The following SAMMSON variants were observed in gnomAD, a reference collection of about 807,000 sequenced individuals.
The protein encoded by SAMMSON is survival associated mitochondrial melanoma specific oncogenic non-coding RNA, also known as long intergenic non-protein coding RNA 1212.
chr3:70,159,379 G>A (rs1440114366), intron 4 of SAMMSON, among the ~76,000 whole-genome samples: 1 of 151,338 alleles, frequency 6.6e-6, no homozygotes, highest in Non-Finnish European at 1.5e-5. Flanking sequence ...CCTGTGTGTG[G>A]ACACCTGTTT....
rs376568944 is a variant in SAMMSON at position 70,015,487 on chromosome 3, A to G, written n.417+1815A>G. On this transcript the variant is annotated intron_variant and non_coding_transcript_variant, in intron 3 of 9. Coordinates refer to ENST00000642114, the Ensembl canonical transcript of SAMMSON. ...ATACATCTTGTCTTTGGTAATTGAGACATTACTTAGTATCTGCAATGTTTA... is the reference window on the plus strand; with the variant it reads ...ATACATCTTGTCTTTGGTAATTGAGGCATTACTTAGTATCTGCAATGTTTA... 3.6e-4 allele frequency among the ~76,000 whole-genome samples: 55 copies of G among 152,050 alleles called. 1 individual carries two copies. The highest frequency in any genetic ancestry group is 1.2e-3 in the African/African-American group (51 of 41,464).
chr3:70,256,942 C>A (rs1701822249), intron 6 of SAMMSON, among the ~76,000 whole-genome samples: 1 of 152,082 alleles, frequency 6.6e-6, no homozygotes, highest in South Asian at 2.1e-4. Flanking sequence ...TATAATTGGT[C>A]CACCCTGTGA....
intron 6 of SAMMSON, chr3:70,283,589 G>C (rs1312553731): frequency 6.6e-6 from 1 of 152,040 alleles, no homozygotes; most frequent in Non-Finnish European, 1.5e-5. Context: ...CAATGAGCTT[G>C]GTTGTGTCCA....
intron 4 of SAMMSON, among the ~76,000 whole-genome samples, chr3:70,111,325 G>A (rs1316127189): frequency 6.6e-6 from 1 of 152,124 alleles, no homozygotes; most frequent in African/African-American, 2.4e-5. Context: ...AAATACTCAA[G>A]TGATTTATAA....
At chr3:70,351,584 T>C (rs1188289792) in intron 7 of SAMMSON, among the ~76,000 whole-genome samples, 1 of 151,670 alleles carries the variant, frequency 6.6e-6, no homozygotes, top group Non-Finnish European at 1.5e-5. Flanking sequence ...ATTATGGGAG[T>C]TGAGAAACAA....
chr3:70,181,866 T>G (rs1701055564), intron 4 of SAMMSON, among the ~76,000 whole-genome samples: 1 of 152,224 alleles, frequency 6.6e-6, no homozygotes, highest in Admixed American at 6.5e-5. Context: ...TGTGTCAACG[T>G]GCAAATTATT....
At chr3:70,281,938 A>G (rs1702088553) in intron 6 of SAMMSON, among the ~76,000 whole-genome samples, 1 of 152,210 alleles carries the variant, frequency 6.6e-6, no homozygotes, top group Admixed American at 6.5e-5. Context: ...TTGATTGTAC[A>G]GTAACACCCT....
At chr3:70,369,078 A>T (rs1429892574) in intron 9 of SAMMSON, among the ~76,000 whole-genome samples, 1 of 151,502 alleles carries the variant, frequency 6.6e-6, no homozygotes, top group Non-Finnish European at 1.5e-5. Flanking sequence ...TTAGATTTAT[A>T]CCTCAGTATT....
rs7641240 is a variant in SAMMSON at position 70,142,704 on chromosome 3, A to G, written n.507+71139A>G. 6.1e-3 allele frequency among the ~76,000 whole-genome samples: 929 copies of G among 152,268 alleles called. 5 individuals carry two copies. Among genetic ancestry groups the G allele is most frequent in the African/African-American group, 0.02 (812 of 41,552 alleles). Reference sequence around the variant, plus strand: ...CCTATGGAAAAAAATCTGACAAAAAATAAAAAATAAAATTTATTAATTTTG... The same window carrying G: ...CCTATGGAAAAAAATCTGACAAAAAGTAAAAAATAAAATTTATTAATTTTG... On this transcript the variant is annotated intron_variant and non_coding_transcript_variant, in intron 4 of 9. Coordinates refer to ENST00000642114, the Ensembl canonical transcript of SAMMSON.
intron 3 of SAMMSON, among the ~76,000 whole-genome samples, chr3:70,034,214 T>G (rs2067076984): frequency 6.6e-6 from 1 of 152,174 alleles, no homozygotes; most frequent in South Asian, 2.1e-4. Flanking sequence ...CAAAATAAAA[T>G]AATCACCTAT....
intron 4 of SAMMSON, among the ~76,000 whole-genome samples, chr3:70,207,569 T>C (rs1170225130): frequency 6.6e-6 from 1 of 152,046 alleles, no homozygotes; most frequent in East Asian, 1.9e-4. Context: ...CCTCCGTATC[T>C]GTGGGTTTCA....
chr3:70,341,543 C>T (rs1702710382), intron 7 of SAMMSON, among the ~76,000 whole-genome samples: 1 of 152,114 alleles, frequency 6.6e-6, no homozygotes, highest in Non-Finnish European at 1.5e-5. Context: ...GGGCAAGTGA[C>T]AATGTTCTGG....
intron 4 of SAMMSON, among the ~76,000 whole-genome samples, chr3:70,100,911 CAT>C (rs2067342967): frequency 6.6e-6 from 1 of 152,154 alleles, no homozygotes; most frequent in Admixed American, 6.5e-5. Flanking sequence ...CCTCAGGGTA[CAT>C]ATTGTTCATA....
chr3:70,152,620 C>A (rs1289047419), intron 4 of SAMMSON, among the ~76,000 whole-genome samples: 1 of 151,974 alleles, frequency 6.6e-6, no homozygotes, highest in Non-Finnish European at 1.5e-5. Flanking sequence ...GACTATTTTC[C>A]CCTTGAGATA....
At chr3:69,999,598 C>G (rs904855722), upstream of SAMMSON, 3 of 152,198 alleles carry the variant, frequency 2.0e-5, no homozygotes, top group African/African-American at 7.2e-5. Flanking sequence ...GTCCCTGGCT[C>G]GGCTCTACCC....
intron 3 of SAMMSON, among the ~76,000 whole-genome samples, chr3:70,059,919 G>C (rs1224635691): frequency 6.6e-6 from 1 of 152,108 alleles, no homozygotes; most frequent in East Asian, 1.9e-4. Context: ...AGTTGAAGAA[G>C]ACAGACTGTC....
intron 7 of SAMMSON, among the ~76,000 whole-genome samples, chr3:70,294,374 T>C (rs1215467440): frequency 1.3e-5 from 2 of 152,148 alleles, no homozygotes; most frequent in Non-Finnish European, 2.9e-5. Context: ...ATTTAACACA[T>C]ATTTATAAGC....
rs79390130 is a variant in SAMMSON at position 70,247,283 on chromosome 3, T to C, written n.508-1824T>C. ...AGATGCAAGGTGAAATTTGACACCT[T>C]CCTATCAGTAAGTTATAGGCTGTGT... is the stretch of plus-strand genomic sequence containing the variant. On this transcript the variant is annotated intron_variant and non_coding_transcript_variant, in intron 4 of 9. Coordinates refer to ENST00000642114, the Ensembl canonical transcript of SAMMSON. Among the ~76,000 whole-genome samples the C allele has an allele frequency of 2.4e-3, 369 of 152,096 alleles. 3 individuals carry two copies. The highest frequency in any genetic ancestry group is 8.7e-3 in the African/African-American group (361 of 41,540).
intron 4 of SAMMSON, among the ~76,000 whole-genome samples, chr3:70,106,500 C>T (rs2067367687): frequency 8.2e-6 from 1 of 121,760 alleles, no homozygotes; most frequent in Non-Finnish European, 1.7e-5. Flanking sequence ...GCCACCATGC[C>T]TGGCTATTTT....
Sources: gnomAD v4.1 joint callset for allele counts (sites outside exome capture counted in the v4.1 genomes callset) on GRCh38, gnomAD v4.1.1 for gene constraint, MANE v1.5 for transcripts, NCBI Gene and HGNC (gene_info 2026-07-23, HGNC 2026-07-21) for gene names.